Variants in ANXA13 observed in about 807,000 individuals in gnomAD.
The protein encoded by ANXA13 is annexin XIII.
In ANXA13, 36 loss-of-function variants were observed where a neutral mutation model predicts 46.6. That is an observed-to-expected ratio of 0.77 (90% confidence interval 0.59 to 1.02). The LOEUF (loss-of-function observed/expected upper bound fraction) is 1.02. ANXA13 is among the 50% of genes least tolerant of loss of function. The probability of loss-of-function intolerance (pLI) is 0.00; values close to 1 mark genes in which losing one functional copy is unlikely to be tolerated. For synonymous variants in ANXA13, 163 were observed against 152.9 expected, an observed-to-expected ratio of 1.07 and a Z score of -0.49; for missense variants, 417 against 396.5, an observed-to-expected ratio of 1.05 and a Z score of -0.44.
chr8:123,682,000 G>A (rs1307164900), intron 10 of ANXA13, among the ~76,000 whole-genome samples: 1 of 152,120 alleles, frequency 6.6e-6, no homozygotes, highest in African/African-American at 2.4e-5. Context: ...ACAGTTATTT[G>A]AAAATGAATT....
chr8:123,695,738 A>C lies in ANXA13; in HGVS notation c.358-17T>G. ...GATGATTTCCTAGGGAAGGTAATTT[A>C]CAAAAAAATCAATATTCCAAGGAGG... is the stretch of plus-strand genomic sequence containing the variant. On this transcript the variant is annotated splice_polypyrimidine_tract_variant and intron_variant, in intron 4 of 10. Coordinates refer to ENST00000419625, the MANE Select transcript of ANXA13 (RefSeq NM_004306.4). The C allele has an allele frequency of 6.2e-7, 1 of 1,607,950 alleles. No homozygotes were observed. The highest frequency in any genetic ancestry group is 1.1e-5 in the South Asian group (1 of 90,772).
chr8:123,733,991 T>C (rs1814191854), intron 1 of ANXA13, among the ~76,000 whole-genome samples: 1 of 152,194 alleles, frequency 6.6e-6, no homozygotes, highest in Admixed American at 6.5e-5. Context: ...TAGATCTGAG[T>C]GGGCTGAGCA....
rs1031353552 is a variant in ANXA13, at chr8:123,699,673, G to A, written c.187-1114C>T. ...TAAACCAAAGACCTTCACATAGAGCGACAGCCTGGGATGGCTCAGATTGGA... is the reference window on the plus strand; with the variant it reads ...TAAACCAAAGACCTTCACATAGAGCAACAGCCTGGGATGGCTCAGATTGGA... On this transcript the variant is annotated intron_variant, in intron 3 of 10. Coordinates refer to ENST00000419625, the MANE Select transcript of ANXA13 (RefSeq NM_004306.4). Among the ~76,000 whole-genome samples, 3 of 152,216 alleles carry A rather than the reference G, an allele frequency of 2.0e-5. No homozygotes were observed. In the East Asian group the frequency reaches 5.8e-4, roughly 29 times the overall value.
rs1813034174 is a variant in ANXA13, at chr8:123,681,357, C to T, written c.834G>A (p.Val278=). ...LIRIVVTRAE[V]DLQGIKAKFQ... is the part of the protein sequence containing the mutation. ...ACTTTGCTTTGATCCCCTGAAGGTC[C>T]ACCTGTAGAAAAAATAACAGCAATG... is the stretch of plus-strand genomic sequence containing the variant. The change falls in exon 11 of 11, where the codon GTG becomes GTA. Residue 278 remains valine (V), a splice_region_variant and synonymous_variant. Transcript: ENST00000419625. The T allele has an allele frequency of 6.2e-7, 1 of 1,611,752 alleles. No homozygotes were observed.
intron 10 of ANXA13, among the ~76,000 whole-genome samples, chr8:123,681,619 CTTTTTTTTTTT>C (rs5894670): frequency 9.3e-6 from 1 of 107,038 alleles, no homozygotes; most frequent in Non-Finnish European, 1.9e-5. Flanking sequence ...TCTTGAATTT[CTTTTTTTTTTT>C]TTTTTTTTTT....
intron 2 of ANXA13, among the ~76,000 whole-genome samples, chr8:123,705,972 C>T (rs1293689493): frequency 1.3e-5 from 2 of 152,212 alleles, no homozygotes; most frequent in Admixed American, 1.3e-4. Flanking sequence ...ATGTGACAAC[C>T]ATGTTCCAAA....
At chr8:123,685,220 C>T (rs1416605454) in intron 9 of ANXA13, among the ~76,000 whole-genome samples, 1 of 152,170 alleles carries the variant, frequency 6.6e-6, no homozygotes, top group East Asian at 1.9e-4. Context: ...ATCTCTGAAC[C>T]TTTTCCAGGT....
chr8:123,734,780 TAGATCATC>T (rs1380929794), intron 1 of ANXA13, among the ~76,000 whole-genome samples: 3 of 149,278 alleles, frequency 2.0e-5, no homozygotes, highest in Non-Finnish European at 4.4e-5. Context: ...TAAAGCATCC[TAGATCATC>T]AAGATGACCA....
intron 8 of ANXA13, 21 bp from the exon 9 acceptor site, chr8:123,688,967 A>C (rs1563605213): frequency 6.2e-7 from 1 of 1,612,510 alleles, no homozygotes; most frequent in South Asian, 1.1e-5. Context: ...AACCAAAATC[A>C]ACTGTTATTC....
At chr8:123,721,880 A>G (rs970564448) in intron 1 of ANXA13, among the ~76,000 whole-genome samples, 6 of 152,222 alleles carry the variant, frequency 3.9e-5, no homozygotes, top group Admixed American at 1.3e-4. Flanking sequence ...GAGAAAAACC[A>G]AGACACACAA....
intron 4 of ANXA13, among the ~76,000 whole-genome samples, chr8:123,697,019 C>G (rs1232164023): frequency 6.6e-6 from 1 of 152,220 alleles, no homozygotes; most frequent in Non-Finnish European, 1.5e-5. Context: ...AAGCGATCCT[C>G]CTGCCTCAGC....
chr8:123,684,589 T>C, intron 10 of ANXA13, 21 bp downstream of exon 10: 7 of 1,535,698 alleles, frequency 4.6e-6, no homozygotes, highest in Non-Finnish European at 5.4e-6. Flanking sequence ...GCCGCCTCTT[T>C]GGAGTCGGAG....
intron 8 of ANXA13, 151 bp from the exon 9 acceptor site, chr8:123,689,097 T>G (rs1749413188): frequency 1.4e-6 from 1 of 696,532 alleles, no homozygotes; most frequent in African/African-American, 1.8e-5. Context: ...CTTGTAGGAT[T>G]GGGGTGTTTG....
intron 1 of ANXA13, among the ~76,000 whole-genome samples, chr8:123,715,076 A>G (rs1325662568): frequency 6.6e-6 from 1 of 152,204 alleles, no homozygotes; most frequent in Non-Finnish European, 1.5e-5. Flanking sequence ...TGTTTTCCTT[A>G]TCCAAATCTT....
chr8:123,688,221 G>A (rs1813174018), intron 9 of ANXA13, among the ~76,000 whole-genome samples: 1 of 152,062 alleles, frequency 6.6e-6, no homozygotes, highest in Non-Finnish European at 1.5e-5. Flanking sequence ...CCCCTCATAC[G>A]GTTCTCATGG....
intron 7 of ANXA13, 142 bp downstream of exon 7, chr8:123,693,569 A>T: frequency 1.3e-6 from 1 of 757,878 alleles, no homozygotes; most frequent in Non-Finnish European, 2.1e-6. Context: ...GAGACTATAT[A>T]TATGATCTAG....
intron 1 of ANXA13, among the ~76,000 whole-genome samples, chr8:123,723,778 A>G (rs1813931899): frequency 6.6e-6 from 1 of 152,078 alleles, no homozygotes; most frequent in African/African-American, 2.4e-5. Flanking sequence ...ATACTTTTTT[A>G]TTAGTCTATT....
chr8:123,681,246 C>A lies in ANXA13; in HGVS notation c.945G>T (p.Leu315Phe), dbSNP rs770115414. 2.0e-5 allele frequency: 32 copies of A among 1,613,230 alleles called. No homozygotes were observed. Among genetic ancestry groups the A allele is most frequent in the South Asian group, 5.5e-5 (5 of 90,910 alleles). ...GDFRKLLVAL[L>F]H ...CCTATTGCCCTGGCTTGGCTCAGTG[C>A]AAGAGGGCTACTAGCAGTTTCCGGA... The change falls in exon 11 of 11, where the codon TTG (leucine) becomes TTT (phenylalanine). Residue 315 changes from leucine to phenylalanine, a missense_variant. Coordinates refer to ENST00000419625, the MANE Select transcript of ANXA13 (RefSeq NM_004306.4).
At chr8:123,706,704 C>T (rs1813547235) in intron 2 of ANXA13, among the ~76,000 whole-genome samples, 1 of 152,214 alleles carries the variant, frequency 6.6e-6, no homozygotes, top group Non-Finnish European at 1.5e-5. Context: ...GGCCTGCTCA[C>T]CCCTCTGCTT....
Sources: allele counts gnomAD v4.1 joint callset (sites outside exome capture counted in the v4.1 genomes callset), GRCh38; gene constraint gnomAD v4.1.1; transcripts MANE v1.5; gene names NCBI Gene and HGNC (gene_info 2026-07-23, HGNC 2026-07-21).